The following ACTL6A variants were observed in gnomAD, a reference collection of about 807,000 sequenced individuals.
ACTL6A encodes the protein actin-like protein 6A.
Under a neutral mutation model 59.2 loss-of-function variants are expected in ACTL6A, and 5 were observed. The ratio of observed to expected loss-of-function variants is 0.08; its 90% CI spans 0.04 to 0.18. The LOEUF is 0.18. Among genes scored for constraint, ACTL6A ranks in the 10% least tolerant of loss-of-function variants. ACTL6A has a pLI of 1.00. For missense variants in ACTL6A, 285 were observed against 526.9 expected, an observed-to-expected ratio of 0.54 and a Z score of 4.49; for synonymous variants, 154 against 171.8, an observed-to-expected ratio of 0.90 and a Z score of 0.81.
chr3:179,582,454 G>A (rs1718365092), intron 11 of ACTL6A, among the ~76,000 whole-genome samples: 1 of 152,196 alleles, frequency 6.6e-6, no homozygotes, highest in African/African-American at 2.4e-5. Context: ...GAAGGGCTTA[G>A]CATATGTGTT....
rs556297514 is a variant in ACTL6A at position 179,569,127 on chromosome 3, G to A, written c.26-697G>A. 4.6e-5 allele frequency among the ~76,000 whole-genome samples: 7 copies of A among 152,294 alleles called. 1 individual carries two copies. In the South Asian group the frequency reaches 1.5e-3, roughly 32 times the overall value. On this transcript the variant is annotated intron_variant, in intron 1 of 13. Transcript: ENST00000429709. ...AGAATCACCCTAGTTGATGGTGGAG[G>A]GAGGTTGCTGGTATATTTATTAGCC...
chr3:179,586,904 C>G (rs1363324927), intron 13 of ACTL6A, among the ~76,000 whole-genome samples: 1 of 152,116 alleles, frequency 6.6e-6, no homozygotes, highest in Non-Finnish European at 1.5e-5. Flanking sequence ...AATAATACCC[C>G]CATTGGCACT....
intron 1 of ACTL6A, among the ~76,000 whole-genome samples, chr3:179,564,159 A>G (rs1717761332): frequency 6.6e-6 from 1 of 152,210 alleles, no homozygotes; most frequent in Non-Finnish European, 1.5e-5. Flanking sequence ...CAAGATCTGC[A>G]GGTTAATCGA....
intron 1 of ACTL6A, among the ~76,000 whole-genome samples, chr3:179,567,902 G>A (rs1157586370): frequency 3.3e-5 from 5 of 152,038 alleles, no homozygotes; most frequent in Non-Finnish European, 7.4e-5. Flanking sequence ...GGCTGGGCGC[G>A]GTGGCTAACA....
intron 3 of ACTL6A, among the ~76,000 whole-genome samples, chr3:179,571,420 CA>C (rs1277088176): frequency 1.2e-4 from 14 of 121,000 alleles, no homozygotes; most frequent in African/African-American, 2.0e-4. Context: ...GACTCTGTCT[CA>C]AAAAAAAAAA....
chr3:179,564,743 C>T (rs1404161323), intron 1 of ACTL6A, among the ~76,000 whole-genome samples: 1 of 152,158 alleles, frequency 6.6e-6, no homozygotes, highest in Non-Finnish European at 1.5e-5. Flanking sequence ...TTTTTGAGTA[C>T]TTGCTATGTG....
chr3:179,586,688 T>A, intron 13 of ACTL6A, 56 bp downstream of exon 13: 1 of 1,365,764 alleles, frequency 7.3e-7, no homozygotes, highest in Non-Finnish European at 1.0e-6. Flanking sequence ...CTAAATTTAG[T>A]AAAAATACAA....
chr3:179,575,327 A>G (rs2108361955), intron 5 of ACTL6A: 5 of 454,242 alleles, frequency 1.1e-5, no homozygotes, highest in South Asian at 7.8e-5. Context: ...AGATTTTACT[A>G]TTGAATATCT....
intron 11 of ACTL6A, among the ~76,000 whole-genome samples, chr3:179,583,084 C>T (rs748986574): frequency 6.6e-6 from 1 of 152,180 alleles, no homozygotes; most frequent in Non-Finnish European, 1.5e-5. Context: ...GAGACCCCGT[C>T]TCTAAAAGTA....
At position 179,562,929 on chromosome 3, in the gene ACTL6A, T is replaced by A; in HGVS notation, c.-164T>A. 2.4e-6 allele frequency: 2 copies of A among 834,640 alleles called. No individual in the cohort carries two copies. The highest frequency in any genetic ancestry group is 1.4e-5 in the South Asian group (1 of 69,198). 51.7% of individuals were successfully genotyped at this position (834,640 alleles called of 1,614,324 possible). On this transcript the variant is annotated 5_prime_UTR_variant, in exon 1 of 14. Transcript: ENST00000429709. Reference sequence around the variant, plus strand: ...TTGGCTGATAGGAGGAGCCAGCAAGTGTGGCTGAGCTCCGGGGTGTGTGGA... The same window carrying A: ...TTGGCTGATAGGAGGAGCCAGCAAGAGTGGCTGAGCTCCGGGGTGTGTGGA...
At chr3:179,584,787 G>GAA (rs951228853) in intron 12 of ACTL6A, among the ~76,000 whole-genome samples, 1 of 149,580 alleles carries the variant, frequency 6.7e-6, no homozygotes, top group Admixed American at 6.7e-5. Context: ...TCTGGCTCAG[G>GAA]AAAAAAAAAC....
In ACTL6A at chr3:179,580,968, T is replaced by C; in HGVS notation, c.905T>C (p.Leu302Pro). ...GYNCDFGAER[L>P]KIPEGLFDPS... The stretch of plus-strand genomic sequence containing the variant: ...AATTGTGATTTTGGTGCAGAGCGGC[T>C]AAAGATTCCAGAAGGATTATTTGAC... The change falls in exon 10 of 14, where the codon CTA (leucine) becomes CCA (proline). Residue 302 changes from leucine to proline, a missense_variant. Leu to Pro is a moderately conservative substitution (Grantham distance 98, BLOSUM62 -3). Coordinates refer to ENST00000429709, the MANE Select transcript of ACTL6A (RefSeq NM_004301.5). The C allele has an allele frequency of 6.3e-7, 1 of 1,585,846 alleles. No homozygotes were observed. Among genetic ancestry groups the C allele is most frequent in the Non-Finnish European group, 8.5e-7 (1 of 1,173,546 alleles).
At chr3:179,566,890 C>T (rs1388973156) in intron 1 of ACTL6A, among the ~76,000 whole-genome samples, 1 of 150,748 alleles carries the variant, frequency 6.6e-6, no homozygotes, top group South Asian at 2.2e-4. Flanking sequence ...GGGGTTTCAC[C>T]ATGTTGGCCA....
chr3:179,564,767 C>G (rs530785154), intron 1 of ACTL6A, among the ~76,000 whole-genome samples: 2 of 151,996 alleles, frequency 1.3e-5, no homozygotes, highest in African/African-American at 4.8e-5. Context: ...GGTATAGGCT[C>G]TTGTCATCAA....
At chr3:179,582,177 C>T (rs189110530) in intron 11 of ACTL6A, among the ~76,000 whole-genome samples, 65 of 152,300 alleles carry the variant, frequency 4.3e-4, no homozygotes, top group African/African-American at 1.5e-3. Context: ...AGCGCAAATA[C>T]AATTCCACCT....
In ACTL6A at chr3:179,569,855, A is replaced by G; in HGVS notation, c.57A>G (p.Gly19=). The G allele has an allele frequency of 6.2e-7, 1 of 1,614,206 alleles. No individual in the cohort carries two copies. The highest frequency in any genetic ancestry group is 8.5e-7 in the Non-Finnish European group (1 of 1,180,030). ...DEVGALVFDI[G]SYTVRAGYAG... Reference sequence around the variant, plus strand: ...TTGGAGCCCTTGTTTTTGACATTGGATCCTATACTGTGAGAGCTGGTTATG... The same window carrying G: ...TTGGAGCCCTTGTTTTTGACATTGGGTCCTATACTGTGAGAGCTGGTTATG... Residue 19 remains glycine (G), a synonymous_variant, in exon 2 of 14, where the codon GGA becomes GGG. Transcript: ENST00000429709.
chr3:179,586,504 T>G, intron 12 of ACTL6A, 42 bp from the exon 13 acceptor site: 1 of 1,307,972 alleles, frequency 7.6e-7, no homozygotes, highest in Non-Finnish European at 1.0e-6. Flanking sequence ...CTAAGTTGAG[T>G]CACAAGATTT....
chr3:179,586,445 G>T, intron 12 of ACTL6A, 101 bp from the exon 13 acceptor site: 1 of 853,922 alleles, frequency 1.2e-6, no homozygotes, highest in Non-Finnish European at 1.7e-6. Context: ...ACAATATGGC[G>T]AGGAAGACCC....
At chr3:179,566,678 T>TTTGTTG (rs376454101) in intron 1 of ACTL6A, among the ~76,000 whole-genome samples, 5 of 151,892 alleles carry the variant, frequency 3.3e-5, no homozygotes, top group Non-Finnish European at 5.9e-5. Context: ...ATTTTCTCTT[T>TTTGTTG]TTGTTGTTGT....
Sources: allele counts gnomAD v4.1 joint callset (sites outside exome capture counted in the v4.1 genomes callset), GRCh38; gene constraint gnomAD v4.1.1; transcripts MANE v1.5; gene names NCBI Gene and HGNC (gene_info 2026-07-23, HGNC 2026-07-21).